The following RAB4A variants were observed in gnomAD, a reference collection of about 807,000 sequenced individuals.
RAB4A encodes the protein RAB4A, member RAS oncogene family, also known as ras-related protein Rab-4A.
In RAB4A, 20 loss-of-function variants were observed where a neutral mutation model predicts 34.5. The observed-to-expected ratio is 0.58, with a 90% CI of 0.41 to 0.84. The LOEUF is 0.84. RAB4A is among the 40% of genes least tolerant of loss of function. The pLI, the probability that RAB4A is intolerant of heterozygous loss-of-function variation, is 0.00. For synonymous variants in RAB4A, 102 were observed against 100.0 expected (o/e 1.02, Z -0.12); for missense variants, 228 against 274.5 (o/e 0.83, Z 1.20).
chr1:229,303,527 A>G (rs1047246119), intron 7 of RAB4A, among the ~76,000 whole-genome samples: 51 of 152,324 alleles, frequency 3.3e-4, no homozygotes, highest in African/African-American at 1.2e-3. Context: ...GTCAGTGAGG[A>G]GCCCTTCCTG....
At chr1:229,291,327 G>A (rs1657062712) in intron 3 of RAB4A, among the ~76,000 whole-genome samples, 1 of 152,156 alleles carries the variant, frequency 6.6e-6, no homozygotes, top group East Asian at 1.9e-4. Flanking sequence ...ACCAGGACAA[G>A]GGCATGATCC....
chr1:229,285,403 C>A (rs1656896993), intron 1 of RAB4A, among the ~76,000 whole-genome samples: 1 of 152,118 alleles, frequency 6.6e-6, no homozygotes, highest in Non-Finnish European at 1.5e-5. Flanking sequence ...GAATAGGCTT[C>A]ATCTCTCAGT....
At chr1:229,290,352 C>T (rs978013471) in intron 3 of RAB4A, among the ~76,000 whole-genome samples, 3 of 152,156 alleles carry the variant, frequency 2.0e-5, no homozygotes, top group African/African-American at 7.2e-5. Flanking sequence ...ACCCACCTCC[C>T]CTACCTCTTC....
At chr1:229,280,526 G>A (rs921690846) in intron 1 of RAB4A, among the ~76,000 whole-genome samples, 24 of 152,080 alleles carry the variant, frequency 1.6e-4, no homozygotes, top group African/African-American at 5.8e-4. Flanking sequence ...CATAGTAAAC[G>A]TACAGAGTCA....
chr1:229,303,042 G>T, intron 7 of RAB4A, 53 bp downstream of exon 7: 1 of 1,268,896 alleles, frequency 7.9e-7, no homozygotes, highest in South Asian at 1.2e-5. Flanking sequence ...AAGTGCAGAG[G>T]CCTGTTAAAG....
rs753013371 is a variant in RAB4A at position 229,295,844 on chromosome 1, C to G, written c.228-4C>G. ...TGAAAGTAAAACCAGTATAATTCTT[C>G]CAGGTCCGTGACGAGAAGTTATTAC... On this transcript the variant is annotated splice_region_variant and splice_polypyrimidine_tract_variant and intron_variant, in intron 3 of 7. Transcript: ENST00000366690. 23 of 1,613,928 alleles carry G rather than the reference C, an allele frequency of 1.4e-5. No homozygotes were observed. In the South Asian group the frequency reaches 2.4e-4, roughly 17 times the overall value.
intron 1 of RAB4A, among the ~76,000 whole-genome samples, chr1:229,277,152 A>G (rs1466297800): frequency 6.6e-6 from 1 of 150,550 alleles, no homozygotes; most frequent in Non-Finnish European, 1.5e-5. Flanking sequence ...CCTTCCTCAA[A>G]TCAGCCTCCT....
chr1:229,273,877 A>G (rs1656568834), intron 1 of RAB4A, among the ~76,000 whole-genome samples: 1 of 152,168 alleles, frequency 6.6e-6, no homozygotes, highest in African/African-American at 2.4e-5. Flanking sequence ...TTGTTCCTTA[A>G]AAGTGAAACA....
At chr1:229,271,507 CTG>C (rs1656476150) in intron 1 of RAB4A, 137 bp downstream of exon 1, 2 of 715,030 alleles carry the variant, frequency 2.8e-6, no homozygotes, top group Non-Finnish European at 3.6e-6. Context: ...TCGGAGGTGT[CTG>C]GGCTTGGGAC....
At chr1:229,298,886 C>A in intron 5 of RAB4A, 91 bp from the exon 6 acceptor site, 2 of 890,940 alleles carry the variant, frequency 2.2e-6, no homozygotes, top group Non-Finnish European at 3.6e-6. Flanking sequence ...ATTTCGTCTG[C>A]TTTTCTAAGA....
chr1:229,293,910 G>A (rs778309109), intron 3 of RAB4A, among the ~76,000 whole-genome samples: 7 of 152,120 alleles, frequency 4.6e-5, no homozygotes, highest in Non-Finnish European at 7.4e-5. Context: ...GTACAGTGAC[G>A]GAGATGTCCT....
chr1:229,289,918 A>G (rs188158596), intron 3 of RAB4A, among the ~76,000 whole-genome samples: 46 of 152,350 alleles, frequency 3.0e-4, no homozygotes, highest in Non-Finnish European at 1.6e-4. Flanking sequence ...AACATGGTGG[A>G]TTCAATTAGA....
intron 6 of RAB4A, among the ~76,000 whole-genome samples, chr1:229,301,965 G>T (rs1252432088): frequency 6.6e-6 from 1 of 151,604 alleles, no homozygotes; most frequent in East Asian, 1.9e-4. Flanking sequence ...TCCAAAATCT[G>T]AAACTTTTTA....
intron 3 of RAB4A, 109 bp from the exon 4 acceptor site, chr1:229,295,739 G>A (rs887531673): frequency 2.1e-6 from 2 of 952,680 alleles, no homozygotes; most frequent in East Asian, 4.9e-5. Flanking sequence ...ACCAGTGTCT[G>A]TCCCTGTGTT....
chr1:229,278,528 T>A (rs1462144315), intron 1 of RAB4A, among the ~76,000 whole-genome samples: 1 of 152,222 alleles, frequency 6.6e-6, no homozygotes, highest in Non-Finnish European at 1.5e-5. Flanking sequence ...GTCTGCAAAC[T>A]TGCTTACCTC....
intron 3 of RAB4A, 155 bp downstream of exon 3, chr1:229,288,998 A>T: frequency 1.6e-6 from 1 of 615,186 alleles, no homozygotes; most frequent in South Asian, 2.0e-5. Flanking sequence ...GATTGACAAG[A>T]CAGCTAAAAT....
chr1:229,292,694 C>T (rs1356938106), intron 3 of RAB4A, among the ~76,000 whole-genome samples: 1 of 152,206 alleles, frequency 6.6e-6, no homozygotes, highest in Non-Finnish European at 1.5e-5. Context: ...TGCCAAGCAG[C>T]AAAGTAATAA....
chr1:229,282,655 A>G (rs1656805780), intron 1 of RAB4A, among the ~76,000 whole-genome samples: 1 of 152,128 alleles, frequency 6.6e-6, no homozygotes, highest in African/African-American at 2.4e-5. Flanking sequence ...CAGATTGGAT[A>G]CTTTATCATT....
chr1:229,286,446 T>C (rs237764), intron 1 of RAB4A, 40 bp from the exon 2 acceptor site: 789,997 of 1,233,166 alleles, frequency 0.64, 255,307 homozygotes, highest in African/African-American at 0.71. Flanking sequence ...TTCACAGCAC[T>C]ATTTTGAAGT....
Sources: gnomAD v4.1 joint callset for allele counts (sites outside exome capture counted in the v4.1 genomes callset) on GRCh38, gnomAD v4.1.1 for gene constraint, MANE v1.5 for transcripts, NCBI Gene and HGNC (gene_info 2026-07-23, HGNC 2026-07-21) for gene names.